CSMD3: variants seen among roughly 807,000 people sequenced by gnomAD.
CSMD3 encodes CUB and sushi domain-containing protein 3.
Under a neutral mutation model 435.2 loss-of-function variants are expected in CSMD3, and 177 were observed. The ratio of observed to expected loss-of-function variants is 0.41; its 90% confidence interval spans 0.36 to 0.46. The LOEUF is 0.46. CSMD3 is among the 20% of genes least tolerant of loss of function. CSMD3 has a pLI of 0.34. For synonymous variants in CSMD3, 1,656 were observed against 1,520.5 expected (o/e 1.09, Z -2.07); for missense variants, 4,265 against 4,504.6 (o/e 0.95, Z 1.52).
chr8:112,233,513 GA>G (rs1813285043), intron 68 of CSMD3, among the ~76,000 whole-genome samples: 1 of 152,096 alleles, frequency 6.6e-6, no homozygotes, highest in Non-Finnish European at 1.5e-5. Flanking sequence ...ACAGAATGCA[GA>G]AATAGGATAA....
Position 112,631,958 on chromosome 8 carries a change from C to T in CSMD3, c.3715+4859G>A, listed in dbSNP as rs1450829733. Reference sequence around the variant, plus strand: ...GATTTTTAATTTTCTTTCTACCAGGCCATATATCTGCAATGCTGACTAACT... The same window carrying T: ...GATTTTTAATTTTCTTTCTACCAGGTCATATATCTGCAATGCTGACTAACT... On this transcript the variant is annotated intron_variant, in intron 22 of 70. Coordinates refer to ENST00000297405, the MANE Select transcript of CSMD3 (RefSeq NM_198123.2). Among the ~76,000 whole-genome samples, 3 of 151,882 alleles carry T rather than the reference C, an allele frequency of 2.0e-5. No homozygotes were observed. The East Asian group carries it at 5.8e-4, about 29-fold the overall frequency.
intron 1 of CSMD3, among the ~76,000 whole-genome samples, chr8:113,411,715 A>G (rs2129799633): frequency 6.6e-6 from 1 of 152,294 alleles, no homozygotes; most frequent in African/African-American, 2.4e-5. Flanking sequence ...CCATATATCC[A>G]AATTAGCCAC....
At chr8:113,188,613 G>A (rs925022369) in intron 3 of CSMD3, among the ~76,000 whole-genome samples, 1 of 151,868 alleles carries the variant, frequency 6.6e-6, no homozygotes, top group African/African-American at 2.4e-5. Context: ...CTCCCTACAG[G>A]GATAATTCTA....
intron 12 of CSMD3, among the ~76,000 whole-genome samples, chr8:112,826,455 G>T (rs1235048390): frequency 1.3e-5 from 2 of 151,886 alleles, no homozygotes; most frequent in Non-Finnish European, 2.9e-5. Flanking sequence ...GGCCCTGGTG[G>T]CGTGTGCTTG....
At chr8:113,322,571 G>C (rs2093956403) in intron 1 of CSMD3, among the ~76,000 whole-genome samples, 1 of 152,010 alleles carries the variant, frequency 6.6e-6, no homozygotes, top group Non-Finnish European at 1.5e-5. Flanking sequence ...AACTGCTCCA[G>C]CTTTTTTAAA....
intron 10 of CSMD3, among the ~76,000 whole-genome samples, chr8:112,865,447 T>G (rs984864978): frequency 6.6e-6 from 1 of 152,086 alleles, no homozygotes; most frequent in Non-Finnish European, 1.5e-5. Context: ...TTAAAATAAA[T>G]TGAAGGACTT....
Position 112,331,423 on chromosome 8 carries a change from T to C in CSMD3, c.7165+3906A>G, listed in dbSNP as rs200028154. ...CATTTACGCTTGTCCTATTTTTTCATTGCAGAGAGCTTTCATTTTGCAAAG... is the reference window on the plus strand; with the variant it reads ...CATTTACGCTTGTCCTATTTTTTCACTGCAGAGAGCTTTCATTTTGCAAAG... On this transcript the variant is annotated intron_variant, in intron 45 of 70. Transcript: ENST00000297405. 1.3e-4 allele frequency among the ~76,000 whole-genome samples: 20 copies of C among 152,206 alleles called. No homozygotes were observed. In the East Asian group the frequency reaches 2.1e-3, roughly 16 times the overall value.
At chr8:112,520,378 T>C (rs1034778101) in intron 27 of CSMD3, among the ~76,000 whole-genome samples, 25 of 152,054 alleles carry the variant, frequency 1.6e-4, no homozygotes, top group African/African-American at 5.1e-4. Context: ...TAAATGCATG[T>C]TCTTAGCAGA....
chr8:112,349,589 C>T (rs1419586345), intron 40 of CSMD3, among the ~76,000 whole-genome samples: 1 of 152,064 alleles, frequency 6.6e-6, no homozygotes, highest in Non-Finnish European at 1.5e-5. Flanking sequence ...CACATAAACA[C>T]ACACACACCA....
At chr8:113,095,781 T>C (rs1203572780) in intron 5 of CSMD3, among the ~76,000 whole-genome samples, 1 of 152,166 alleles carries the variant, frequency 6.6e-6, no homozygotes, top group African/African-American at 2.4e-5. Context: ...TTATTTAAAG[T>C]ATATGGAAGC....
At chr8:112,284,120 T>C (rs1818937343) in intron 58 of CSMD3, among the ~76,000 whole-genome samples, 1 of 151,902 alleles carries the variant, frequency 6.6e-6, no homozygotes, top group Admixed American at 6.6e-5. Context: ...TACACACTTG[T>C]ATTGATAGCA....
intron 13 of CSMD3, among the ~76,000 whole-genome samples, chr8:112,710,480 C>T (rs769450343): frequency 4.0e-5 from 6 of 151,800 alleles, no homozygotes; most frequent in Non-Finnish European, 8.8e-5. Context: ...CTGTACTGGC[C>T]GATTATGTTT....
chr8:112,974,736 C>T (rs1455603440), intron 7 of CSMD3, among the ~76,000 whole-genome samples: 3 of 151,584 alleles, frequency 2.0e-5, no homozygotes, highest in Middle Eastern at 3.2e-3. Context: ...AGTACAAATT[C>T]GAATGGAAAC....
Position 112,543,372 on chromosome 8 carries a change from A to G in CSMD3, c.4564+7299T>C, listed in dbSNP as rs572962158. Reference sequence around the variant, plus strand: ...AATAATAGATCAATATCCAAAAGACATAGGGAACCTCTACACCTCAATAGC... The same window carrying G: ...AATAATAGATCAATATCCAAAAGACGTAGGGAACCTCTACACCTCAATAGC... On this transcript the variant is annotated intron_variant, in intron 27 of 70. Transcript: ENST00000297405. Among the ~76,000 whole-genome samples, 3 of 152,296 alleles carry G rather than the reference A, an allele frequency of 2.0e-5. No homozygotes were observed. The South Asian group carries it at 6.2e-4, about 32-fold the overall frequency.
chr8:113,282,437 C>T (rs534235096), intron 2 of CSMD3, among the ~76,000 whole-genome samples: 49 of 152,024 alleles, frequency 3.2e-4, no homozygotes, highest in Admixed American at 3.2e-3. Context: ...TATACACCAA[C>T]AGTGACCAAG....
chr8:112,669,917 G>A (rs1482144296), intron 16 of CSMD3, among the ~76,000 whole-genome samples: 4 of 152,100 alleles, frequency 2.6e-5, no homozygotes, highest in Admixed American at 2.6e-4. Flanking sequence ...AACTGTCAAG[G>A]ATTTGAACAA....
At chr8:112,919,831 A>G (rs574010364) in intron 10 of CSMD3, among the ~76,000 whole-genome samples, 1 of 151,880 alleles carries the variant, frequency 6.6e-6, no homozygotes, top group Non-Finnish European at 1.5e-5. Flanking sequence ...TATTCACTTT[A>G]TAAGAAAATA....
At chr8:112,620,414 A>G (rs1833976317) in intron 22 of CSMD3, among the ~76,000 whole-genome samples, 1 of 152,164 alleles carries the variant, frequency 6.6e-6, no homozygotes, top group Non-Finnish European at 1.5e-5. Flanking sequence ...GTGTTAAAGT[A>G]TGTCCCAGCT....
At chr8:112,494,529 TTCTTTCTTTCTTTCTTTC>T (rs1821101686) in intron 30 of CSMD3, among the ~76,000 whole-genome samples, 3 of 141,448 alleles carry the variant, frequency 2.1e-5, no homozygotes, top group East Asian at 4.1e-4. Context: ...CTTTCTTTCT[TTCTTTCTTTCTTTCTTTC>T]TTTCTTTCTT....
Sources: allele counts gnomAD v4.1 joint callset (sites outside exome capture counted in the v4.1 genomes callset), GRCh38; gene constraint gnomAD v4.1.1; transcripts MANE v1.5; gene names NCBI Gene and HGNC (gene_info 2026-07-23, HGNC 2026-07-21).